KCTD8: variants seen among roughly 807,000 people sequenced by gnomAD.
KCTD8 encodes potassium channel tetramerization domain containing 8, also known as BTB/POZ domain-containing protein KCTD8.
Under a neutral mutation model 31.5 loss-of-function variants are expected in KCTD8, and 27 were observed. That is an observed-to-expected ratio of 0.86 (90% confidence interval 0.63 to 1.18). The LOEUF (loss-of-function observed/expected upper bound fraction) is 1.18, where lower values mean the gene tolerates loss of function less well. KCTD8 is among the 50% of genes most tolerant of loss of function. The pLI is 0.00. For synonymous variants in KCTD8, 290 were observed against 280.0 expected (o/e 1.04, Z -0.36); for missense variants, 658 against 647.7 (o/e 1.02, Z -0.17).
intron 1 of KCTD8, among the ~76,000 whole-genome samples, chr4:44,271,646 A>C (rs1244918906): frequency 6.6e-6 from 1 of 152,160 alleles, no homozygotes; most frequent in Non-Finnish European, 1.5e-5. Context: ...AACTGCTTAA[A>C]GGCATTCTTA....
At chr4:44,380,544 C>A (rs991370300) in intron 1 of KCTD8, among the ~76,000 whole-genome samples, 2 of 151,344 alleles carry the variant, frequency 1.3e-5, no homozygotes, top group Non-Finnish European at 2.9e-5. Flanking sequence ...TTATTAATTT[C>A]ATATTAATAT....
chr4:44,243,038 A>G (rs796605490), intron 1 of KCTD8, among the ~76,000 whole-genome samples: 9 of 152,286 alleles, frequency 5.9e-5, no homozygotes, highest in African/African-American at 1.9e-4. Context: ...CACCTAATAC[A>G]CTTGTCCAAA....
intron 1 of KCTD8, among the ~76,000 whole-genome samples, chr4:44,302,291 C>CTATA (rs1717650542): frequency 6.6e-6 from 1 of 152,118 alleles, no homozygotes; most frequent in Admixed American, 6.5e-5. Context: ...GGCATTGAAT[C>CTATA]TATAAATTAC....
At chr4:44,259,153 T>C (rs7671197) in intron 1 of KCTD8, among the ~76,000 whole-genome samples, 40,323 of 151,684 alleles carry the variant, frequency 0.27, 5,758 homozygotes, top group East Asian at 0.4. Context: ...ACTCCATTCT[T>C]CCCACTATCT....
intron 1 of KCTD8, among the ~76,000 whole-genome samples, chr4:44,424,151 G>A (rs948378817): frequency 1.3e-5 from 2 of 151,940 alleles, no homozygotes; most frequent in Admixed American, 6.6e-5. Flanking sequence ...TAAAATCAAC[G>A]GGGTGACAAT....
chr4:44,339,440 G>C (rs1718838021), intron 1 of KCTD8, among the ~76,000 whole-genome samples: 1 of 151,954 alleles, frequency 6.6e-6, no homozygotes, highest in South Asian at 2.1e-4. Flanking sequence ...GTTTAAGGAG[G>C]ACTATACAAA....
chr4:44,434,831 A>C (rs1346011956), intron 1 of KCTD8, among the ~76,000 whole-genome samples: 2 of 151,936 alleles, frequency 1.3e-5, no homozygotes, highest in Non-Finnish European at 2.9e-5. Flanking sequence ...GACTGGCCAG[A>C]ATGCCCACTT....
At chr4:44,225,815 C>CTTTTTTT (rs35751540) in intron 1 of KCTD8, among the ~76,000 whole-genome samples, 1 of 74,450 alleles carries the variant, frequency 1.3e-5, no homozygotes, top group Non-Finnish European at 2.5e-5. Context: ...GGTTTTGTCT[C>CTTTTTTT]TTTTTTTTTT....
chr4:44,302,718 T>C (rs377688470), intron 1 of KCTD8, among the ~76,000 whole-genome samples: 33 of 151,490 alleles, frequency 2.2e-4, no homozygotes, highest in Non-Finnish European at 3.2e-4. Flanking sequence ...ATTTCCTTCT[T>C]CTGCCTAATT....
chr4:44,448,550 C>G lies in KCTD8; in HGVS notation c.-27G>C. 2 of 1,443,504 alleles carry G rather than the reference C, an allele frequency of 1.4e-6. No homozygotes were observed. The highest frequency in any genetic ancestry group is 1.8e-6 in the Non-Finnish European group (2 of 1,103,112). 89.4% of individuals were successfully genotyped at this position (1,443,504 alleles called of 1,614,324 possible). ...GTCCCCCCGCCGCCGGCCCAGTGACCCGAGAGAGCTGCACTTTCTCGTTCC... is the reference window on the plus strand; with the variant it reads ...GTCCCCCCGCCGCCGGCCCAGTGACGCGAGAGAGCTGCACTTTCTCGTTCC... On this transcript the variant is annotated 5_prime_UTR_variant, in exon 1 of 2. Coordinates refer to ENST00000360029, the MANE Select transcript of KCTD8 (RefSeq NM_198353.3). The surrounding 1 kb of genome is among the most constrained non-coding windows in gnomAD (Gnocchi z 4.1).
At chr4:44,370,137 G>C (rs1476569036) in intron 1 of KCTD8, among the ~76,000 whole-genome samples, 2 of 152,114 alleles carry the variant, frequency 1.3e-5, no homozygotes, top group African/African-American at 4.8e-5. Context: ...TTTTATGAAA[G>C]TCTCCTGAGC....
chr4:44,228,325 C>T (rs983254401), intron 1 of KCTD8, among the ~76,000 whole-genome samples: 1 of 152,082 alleles, frequency 6.6e-6, no homozygotes, highest in African/African-American at 2.4e-5. Flanking sequence ...CTAATCTCCT[C>T]TTATTAGGAC....
intron 1 of KCTD8, among the ~76,000 whole-genome samples, chr4:44,322,820 C>G (rs1344369488): frequency 1.3e-5 from 2 of 151,984 alleles, no homozygotes; most frequent in African/African-American, 2.4e-5. Context: ...ATCTAGTTTT[C>G]TCAGCACTAT....
rs759637393 is a variant in KCTD8 at position 44,185,747 on chromosome 4, C to CT, written c.962-10498dup. On this transcript the variant is annotated intron_variant, in intron 1 of 1. Coordinates refer to ENST00000360029, the MANE Select transcript of KCTD8 (RefSeq NM_198353.3). ...GGATGTAATTCCTTGTGATTTCCTG[C>CT]TTTTTTTTTTTTAATAACCCATAGT... is the stretch of plus-strand genomic sequence containing the variant. 2.3e-3 allele frequency among the ~76,000 whole-genome samples: 334 copies of CT among 145,050 alleles called. 1 individual carries two copies. Among genetic ancestry groups the CT allele is most frequent in the African/African-American group, 4.5e-3 (177 of 39,612 alleles).
chr4:44,176,860 CATCTATCTATCT>C (rs58202328), intron 1 of KCTD8, among the ~76,000 whole-genome samples: 3 of 148,472 alleles, frequency 2.0e-5, no homozygotes, highest in East Asian at 4.0e-4. Context: ...TATATGTCTA[CATCTATCTATCT>C]ATCTATCTAT....
At chr4:44,353,884 T>C (rs1719278966) in intron 1 of KCTD8, among the ~76,000 whole-genome samples, 1 of 152,158 alleles carries the variant, frequency 6.6e-6, no homozygotes, top group Non-Finnish European at 1.5e-5. Context: ...AGTTGTTCAC[T>C]GTTATGTAAG....
intron 1 of KCTD8, among the ~76,000 whole-genome samples, chr4:44,393,246 G>A (rs1248974828): frequency 6.6e-6 from 1 of 151,728 alleles, no homozygotes; most frequent in Non-Finnish European, 1.5e-5. Context: ...ATCAGGTTTC[G>A]GTAAAGGAGA....
Position 44,447,591 on chromosome 4 carries a change from C to G in KCTD8, c.933G>C (p.Trp311Cys). 2 of 1,598,694 alleles carry G rather than the reference C, an allele frequency of 1.3e-6. No individual in the cohort carries two copies. Among genetic ancestry groups the G allele is most frequent in the Non-Finnish European group, 1.7e-6 (2 of 1,172,452 alleles). Residue 311 changes from tryptophan (W) to cysteine (C), a missense_variant, in exon 1 of 2, where the codon TGG (tryptophan) becomes TGC (cysteine). Transcript: ENST00000360029. Reference sequence around the variant, plus strand: ...AGAAAATGTACTCGGTGTAGCTGCTCCAGATCTTGTCGTCGCGGTACTGGT... The same window carrying G: ...AGAAAATGTACTCGGTGTAGCTGCTGCAGATCTTGTCGTCGCGGTACTGGT... The part of the protein sequence containing the change: ...FVNQYRDDKI[W>C]SSYTEYIFFR...
At chr4:44,352,301 G>C (rs922951186) in intron 1 of KCTD8, among the ~76,000 whole-genome samples, 10 of 151,914 alleles carry the variant, frequency 6.6e-5, no homozygotes, top group Non-Finnish European at 1.2e-4. Flanking sequence ...TGTGATGATG[G>C]TTAGCCTGTA....
Sources: gnomAD v4.1 joint callset for allele counts (sites outside exome capture counted in the v4.1 genomes callset) on GRCh38, gnomAD v4.1.1 for gene constraint, Gnocchi (gnomAD v3.1) non-coding constraint, MANE v1.5 for transcripts, NCBI Gene and HGNC (gene_info 2026-07-23, HGNC 2026-07-21) for gene names.